Variants in MTUS2 observed in about 807,000 individuals in gnomAD.
The protein encoded by MTUS2 is microtubule-associated tumor suppressor candidate 2.
In MTUS2, 40 loss-of-function variants were observed where a neutral mutation model predicts 114.1. That is an observed-to-expected ratio of 0.35 (90% CI 0.27 to 0.46). The LOEUF is 0.46. MTUS2 is among the 20% of genes least tolerant of loss of function. The pLI, the probability that MTUS2 is intolerant of heterozygous loss-of-function variation, is 1.00. For synonymous variants in MTUS2, 688 were observed against 672.0 expected, an observed-to-expected ratio of 1.02 and a Z score of -0.37; for missense variants, 1,679 against 1,705.4, an observed-to-expected ratio of 0.98 and a Z score of 0.27.
At chr13:29,190,102 C>G (rs764293544) in intron 5 of MTUS2, among the ~76,000 whole-genome samples, 2 of 152,172 alleles carry the variant, frequency 1.3e-5, no homozygotes, top group South Asian at 2.1e-4. Flanking sequence ...TCTTGGACTT[C>G]CCAGCCTCCA....
chr13:29,281,685 C>T lies in MTUS2; in HGVS notation c.2645-19C>T, dbSNP rs3751335. On this transcript the variant is annotated intron_variant, in intron 5 of 15. Transcript: ENST00000612955. ...ATTTTTCATGAAGTTATAATTAACA[C>T]GCTGTCTGCCTCCCACAGGTTCAAC... 456,680 of 1,580,014 alleles carry T rather than the reference C, an allele frequency of 0.29. 69,911 individuals are homozygous for T. Among genetic ancestry groups the T allele is most frequent in the East Asian group, 0.32 (14,023 of 43,216 alleles).
intron 5 of MTUS2, among the ~76,000 whole-genome samples, chr13:29,278,901 C>T (rs1593254510): frequency 6.6e-6 from 1 of 152,176 alleles, no homozygotes; most frequent in East Asian, 1.9e-4. Flanking sequence ...CCTTTCCTTT[C>T]TTCTCACGTC....
At chr13:29,081,762 T>C (rs1021755842) in intron 4 of MTUS2, among the ~76,000 whole-genome samples, 1 of 10,852 alleles carries the variant, frequency 9.2e-5, no homozygotes, top group African/African-American at 2.0e-4. Context: ...AGAGGTTTGG[T>C]TATTTTTGTT....
At chr13:29,277,997 T>C (rs1392333298) in intron 5 of MTUS2, among the ~76,000 whole-genome samples, 1 of 152,216 alleles carries the variant, frequency 6.6e-6, no homozygotes, top group Non-Finnish European at 1.5e-5. Flanking sequence ...TGTTTATGGG[T>C]CTGCCCCAAT....
At chr13:29,201,018 A>G (rs1196542179) in intron 5 of MTUS2, among the ~76,000 whole-genome samples, 3 of 152,150 alleles carry the variant, frequency 2.0e-5, no homozygotes, top group East Asian at 1.9e-4. Context: ...GTGGATGTCT[A>G]TTAGGTCTGC....
intron 8 of MTUS2, among the ~76,000 whole-genome samples, chr13:29,409,246 G>A (rs1015576066): frequency 6.6e-6 from 1 of 152,170 alleles, no homozygotes; most frequent in African/African-American, 2.4e-5. Flanking sequence ...AACCCAAGAG[G>A]CAGAGGTTGC....
chr13:29,362,842 A>G (rs1348128285), intron 8 of MTUS2, among the ~76,000 whole-genome samples: 2 of 152,254 alleles, frequency 1.3e-5, no homozygotes, highest in Non-Finnish European at 1.5e-5. Flanking sequence ...AAGCCCAGAT[A>G]AGAATCTCCC....
Position 29,025,897 on chromosome 13 carries a change from C to G in MTUS2, c.1199C>G (p.Ser400Cys). The G allele has an allele frequency of 6.2e-7, 1 of 1,613,616 alleles. No individual in the cohort carries two copies. Among genetic ancestry groups the G allele is most frequent in the East Asian group, 2.2e-5 (1 of 44,876 alleles). ...DSLHTTPKQGSASLGGADNQP... is the reference protein window; with the variant it reads ...DSLHTTPKQGCASLGGADNQP... ...CTCCACACCACCCCCAAACAGGGCT[C>G]TGCTTCCTTAGGAGGGGCTGATAAT... Residue 400 changes from serine (S) to cysteine (C), a missense_variant, in exon 3 of 16, where the codon TCT becomes TGT. By Grantham distance (112) the Ser-to-Cys change is moderately radical (BLOSUM62 -1). This residue lies in a region of MTUS2 where 843 missense variants were observed against 770.8 expected (regional missense o/e 1.09). Transcript: ENST00000612955.
intron 8 of MTUS2, among the ~76,000 whole-genome samples, chr13:29,431,644 A>T (rs1876995253): frequency 6.6e-6 from 1 of 152,212 alleles, no homozygotes. Flanking sequence ...CCCTTTGAAG[A>T]ATGGGTGGAA....
intron 2 of MTUS2, among the ~76,000 whole-genome samples, chr13:28,945,364 A>C (rs1280174425): frequency 6.6e-6 from 1 of 152,034 alleles, no homozygotes; most frequent in African/African-American, 2.4e-5. Context: ...TTGGGTAGAT[A>C]CCAGTAGGTA....
intron 2 of MTUS2, among the ~76,000 whole-genome samples, chr13:28,957,543 TTATC>T (rs1883129039): frequency 6.6e-6 from 1 of 152,210 alleles, no homozygotes; most frequent in South Asian, 2.1e-4. Flanking sequence ...TAACAACTAT[TTATC>T]TAGCATTTAC....
chr13:28,921,008 A>C (rs1881012074), intron 2 of MTUS2, among the ~76,000 whole-genome samples: 1 of 152,166 alleles, frequency 6.6e-6, no homozygotes, highest in African/African-American at 2.4e-5. Flanking sequence ...CTAGGCCTGC[A>C]CTCAGGGACC....
intron 7 of MTUS2, among the ~76,000 whole-genome samples, chr13:29,333,759 A>G (rs759463292): frequency 6.6e-6 from 1 of 152,120 alleles, no homozygotes. Flanking sequence ...TTTCTGTCTC[A>G]TTGATCTGTC....
intron 8 of MTUS2, among the ~76,000 whole-genome samples, chr13:29,404,314 C>T (rs575121390): frequency 7.9e-5 from 12 of 151,994 alleles, no homozygotes; most frequent in South Asian, 2.1e-4. Context: ...ATTGCGCCAC[C>T]GCACTCCAGT....
chr13:29,284,172 G>A (rs534262689), intron 6 of MTUS2, among the ~76,000 whole-genome samples: 7 of 152,236 alleles, frequency 4.6e-5, no homozygotes, highest in South Asian at 2.1e-4. Flanking sequence ...TTAATAGGGG[G>A]CTCACTGAAC....
chr13:29,358,252 C>T (rs1032088844), intron 7 of MTUS2, among the ~76,000 whole-genome samples: 3 of 152,206 alleles, frequency 2.0e-5, no homozygotes, highest in Non-Finnish European at 2.9e-5. Flanking sequence ...CAGAGGAAGA[C>T]GCCTGCCCAT....
chr13:29,309,507 T>A (rs565680721), intron 6 of MTUS2, among the ~76,000 whole-genome samples: 20 of 152,178 alleles, frequency 1.3e-4, no homozygotes, highest in African/African-American at 4.3e-4. Context: ...GATGGGATGG[T>A]TTGTGCAGCA....
Position 29,174,970 on chromosome 13 carries a change from A to G in MTUS2, c.2644+74000A>G, listed in dbSNP as rs540362170. ...TCACTGACAACCATTCAGCCTCTTCATGCCTCAATTATATTTTCAGCCAAT... is the reference window on the plus strand; with the variant it reads ...TCACTGACAACCATTCAGCCTCTTCGTGCCTCAATTATATTTTCAGCCAAT... On this transcript the variant is annotated intron_variant, in intron 5 of 15. Transcript: ENST00000612955. Among the ~76,000 whole-genome samples, 3 of 152,346 alleles carry G rather than the reference A, an allele frequency of 2.0e-5. No individual in the cohort carries two copies. The South Asian group carries it at 6.2e-4, about 32-fold the overall frequency.
chr13:29,229,768 G>A (rs575923948), intron 5 of MTUS2, among the ~76,000 whole-genome samples: 6 of 152,188 alleles, frequency 3.9e-5, no homozygotes, highest in South Asian at 2.1e-4. Flanking sequence ...TATCCTCAGA[G>A]GTAAACCATT....
Sources: allele counts gnomAD v4.1 joint callset (sites outside exome capture counted in the v4.1 genomes callset), GRCh38; gene constraint gnomAD v4.1.1; regional missense constraint gnomAD v4.1.1; transcripts MANE v1.5; gene names NCBI Gene and HGNC (gene_info 2026-07-23, HGNC 2026-07-21).